GATA4: variants seen among roughly 807,000 people sequenced by gnomAD.
The protein encoded by GATA4 is transcription factor GATA-4.
In GATA4, 7 loss-of-function variants were observed where a neutral mutation model predicts 37.9. The ratio of observed to expected loss-of-function variants is 0.18; its 90% confidence interval spans 0.11 to 0.35. The LOEUF is 0.35. Among genes scored for constraint, GATA4 ranks in the 10% least tolerant of loss-of-function variants. The probability of loss-of-function intolerance (pLI) is 1.00; values close to 1 mark genes in which losing one functional copy is unlikely to be tolerated. For missense variants in GATA4, 647 were observed against 653.0 expected (o/e 0.99, Z 0.10); for synonymous variants, 372 against 292.6 (o/e 1.27, Z -2.77).
chr8:11,746,330 A>G (rs1339410597), intron 2 of GATA4, among the ~76,000 whole-genome samples: 1 of 152,154 alleles, frequency 6.6e-6, no homozygotes, highest in Admixed American at 6.5e-5. Flanking sequence ...TGATTGCACC[A>G]CTACACTCCG....
At chr8:11,738,089 G>A (rs1182628672) in intron 2 of GATA4, among the ~76,000 whole-genome samples, 3 of 150,980 alleles carry the variant, frequency 2.0e-5, no homozygotes, top group Admixed American at 1.3e-4. Flanking sequence ...GCTGAGGCAG[G>A]AGAATTGCTT....
intron 6 of GATA4, 98 bp downstream of exon 6, chr8:11,757,181 C>A (rs1802629109): frequency 6.5e-7 from 1 of 1,528,728 alleles, no homozygotes; most frequent in Non-Finnish European, 8.9e-7. Context: ...GCAGCCAGGC[C>A]TCACAGGTGC....
chr8:11,713,324 T>C (rs969928299), intron 2 of GATA4, among the ~76,000 whole-genome samples: 2 of 152,148 alleles, frequency 1.3e-5, no homozygotes, highest in African/African-American at 4.8e-5. Context: ...TATGTGACCT[T>C]ACTGAGGGCA....
At chr8:11,714,641 C>T (rs1361972390) in intron 2 of GATA4, among the ~76,000 whole-genome samples, 1 of 152,188 alleles carries the variant, frequency 6.6e-6, no homozygotes, top group Non-Finnish European at 1.5e-5. Context: ...TGTGTCACTA[C>T]CTCTAGTGAG....
intron 2 of GATA4, among the ~76,000 whole-genome samples, chr8:11,713,637 CAAAAAAAAAA>C (rs375905844): frequency 2.5e-4 from 26 of 105,466 alleles, no homozygotes; most frequent in African/African-American, 8.8e-4. Context: ...TTCTGAAAAG[CAAAAAAAAAA>C]AAGAAAAAAA....
intron 2 of GATA4, among the ~76,000 whole-genome samples, chr8:11,748,654 A>T (rs1802144518): frequency 6.6e-6 from 1 of 152,150 alleles, no homozygotes; most frequent in Non-Finnish European, 1.5e-5. Flanking sequence ...ACTGAAATCC[A>T]GGTGTCCCGC....
At chr8:11,693,051 G>C (rs929450133) in intron 1 of GATA4, 1 of 985,430 alleles carries the variant, frequency 1.0e-6, no homozygotes, top group Non-Finnish European at 1.2e-6. Context: ...TCTGCGTGGA[G>C]TGGGCCGGCA....
intron 1 of GATA4, chr8:11,694,469 C>T (rs915192149): frequency 5.1e-6 from 5 of 985,332 alleles, no homozygotes; most frequent in Middle Eastern, 5.2e-4. Context: ...GCCACCAGCT[C>T]TCCGAGCCGT....
intron 2 of GATA4, among the ~76,000 whole-genome samples, chr8:11,745,113 C>T (rs1046256025): frequency 3.3e-5 from 5 of 152,158 alleles, no homozygotes; most frequent in Non-Finnish European, 7.4e-5. Context: ...AGTGACTTTA[C>T]CTGGACAGTA....
chr8:11,744,010 G>A (rs1310280526), intron 2 of GATA4, among the ~76,000 whole-genome samples: 1 of 152,210 alleles, frequency 6.6e-6, no homozygotes, highest in Non-Finnish European at 1.5e-5. Context: ...TACTTCCCAT[G>A]AGAAGCAACT....
At chr8:11,740,220 C>T (rs1327689982) in intron 2 of GATA4, among the ~76,000 whole-genome samples, 1 of 152,146 alleles carries the variant, frequency 6.6e-6, no homozygotes, top group East Asian at 1.9e-4. Context: ...GCAAGTCAGC[C>T]GTACTACCTG....
At chr8:11,755,274 A>G in intron 5 of GATA4, 141 bp downstream of exon 5, 1 of 699,916 alleles carries the variant, frequency 1.4e-6, no homozygotes, top group Middle Eastern at 3.4e-4. Flanking sequence ...GCCTTTCAGG[A>G]CAGGATGAAG....
chr8:11,756,900 G>A (rs1371882660), intron 5 of GATA4, 35 bp from the exon 6 acceptor site: 67 of 1,614,000 alleles, frequency 4.2e-5, no homozygotes, highest in Non-Finnish European at 4.7e-5. Flanking sequence ...TGTCCCTGCC[G>A]CTGATTTGGG....
At chr8:11,681,337 C>G in intron 1 of GATA4, 1 of 985,442 alleles carries the variant, frequency 1.0e-6, no homozygotes, top group Non-Finnish European at 1.2e-6. Flanking sequence ...GCGCCCCAAC[C>G]CATCAAATTT....
intron 1 of GATA4, among the ~76,000 whole-genome samples, chr8:11,693,753 C>T (rs371267176): frequency 1.3e-5 from 2 of 152,122 alleles, no homozygotes; most frequent in East Asian, 1.9e-4. Context: ...GCCCTTGTGC[C>T]CTCCAAATGG....
At chr8:11,714,653 C>T (rs1033902050) in intron 2 of GATA4, among the ~76,000 whole-genome samples, 2 of 152,144 alleles carry the variant, frequency 1.3e-5, no homozygotes, top group African/African-American at 4.8e-5. Context: ...TCTAGTGAGC[C>T]CTGTCACTTG....
At chr8:11,751,515 A>G (rs772248366) in intron 4 of GATA4, among the ~76,000 whole-genome samples, 2 of 152,172 alleles carry the variant, frequency 1.3e-5, no homozygotes, top group African/African-American at 2.4e-5. Flanking sequence ...CCCCCTTGGT[A>G]CCTTAGACGG....
intron 2 of GATA4, among the ~76,000 whole-genome samples, chr8:11,740,852 GC>G (rs1305328113): frequency 2.6e-5 from 4 of 151,824 alleles, no homozygotes; most frequent in Non-Finnish European, 5.9e-5. Context: ...TCCTGCCTCA[GC>G]CTCCCGAGTA....
chr8:11,711,035 C>A (rs1218521666), intron 2 of GATA4, among the ~76,000 whole-genome samples: 2 of 152,118 alleles, frequency 1.3e-5, no homozygotes, highest in Non-Finnish European at 2.9e-5. Context: ...CGGTTGAACC[C>A]GGGAGGCGGA....
Sources: allele counts gnomAD v4.1 joint callset (sites outside exome capture counted in the v4.1 genomes callset), GRCh38; gene constraint gnomAD v4.1.1; transcripts MANE v1.5; gene names NCBI Gene and HGNC (gene_info 2026-07-23, HGNC 2026-07-21).